YBX1: variants seen among roughly 807,000 people sequenced by gnomAD.
YBX1 encodes the protein Y-box binding protein 1.
In YBX1, 3 loss-of-function variants were observed where a neutral mutation model predicts 41.4. The ratio of observed to expected loss-of-function variants is 0.07; its 90% confidence interval spans 0.03 to 0.19. The LOEUF (loss-of-function observed/expected upper bound fraction) is 0.19. YBX1 is among the 10% of genes least tolerant of loss of function. The pLI is 1.00. For synonymous variants in YBX1, 133 were observed against 165.8 expected, an observed-to-expected ratio of 0.80 and a Z score of 1.52; for missense variants, 274 against 462.8, an observed-to-expected ratio of 0.59 and a Z score of 3.74.
chr1:42,691,285 T>C (rs1650321607), intron 2 of YBX1, among the ~76,000 whole-genome samples: 1 of 152,194 alleles, frequency 6.6e-6, no homozygotes, highest in South Asian at 2.1e-4. Context: ...GTTTCACATA[T>C]CTATCTATGT....
At position 42,696,602 on chromosome 1, in the gene YBX1, G is replaced by T; in HGVS notation, c.355-40G>T. On this transcript the variant is annotated intron_variant, in intron 4 of 7. Coordinates refer to ENST00000321358, the MANE Select transcript of YBX1 (RefSeq NM_004559.5). The surrounding 1 kb of genome is among the most constrained non-coding windows in gnomAD (Gnocchi z 5.7). ...CTTTTGAAAGTGTTGAAAGTGTTCT[G>T]ATTTCCTTTGTCACTATCAATATGT... is the stretch of plus-strand genomic sequence containing the variant. 7.2e-7 allele frequency: 1 copy of T among 1,379,546 alleles called. No homozygotes were observed. Among genetic ancestry groups the T allele is most frequent in the South Asian group, 1.8e-5 (1 of 55,920 alleles). The allele number at this position is 1,379,546 out of a possible 1,614,324, so 85.5% of individuals were successfully genotyped here.
At position 42,703,574 on chromosome 1, in the gene YBX1, A is replaced by G. The variant is rs1381018049; in HGVS notation, c.*1625A>G. ...TTCATGAAAATACTGTGTTGGCAAGAGTGCAGTGGACCTGAAACTTCAACT... is the reference window on the plus strand; with the variant it reads ...TTCATGAAAATACTGTGTTGGCAAGGGTGCAGTGGACCTGAAACTTCAACT... On this transcript the variant is annotated 3_prime_UTR_variant, in exon 8 of 8. Transcript: ENST00000321358. 1.3e-5 allele frequency among the ~76,000 whole-genome samples: 2 copies of G among 152,196 alleles called. No homozygotes were observed. Among genetic ancestry groups the G allele is most frequent in the Non-Finnish European group, 2.9e-5 (2 of 68,040 alleles).
chr1:42,700,747 T>G (rs1432358941), intron 6 of YBX1, 34 bp from the exon 7 acceptor site: 2 of 1,572,972 alleles, frequency 1.3e-6, no homozygotes, highest in South Asian at 2.3e-5. Flanking sequence ...AGAGAAGGTT[T>G]TATCATTCTT....
chr1:42,695,263 C>T (rs919208045), intron 3 of YBX1, among the ~76,000 whole-genome samples: 3 of 152,178 alleles, frequency 2.0e-5, no homozygotes, highest in Non-Finnish European at 4.4e-5. Flanking sequence ...CGTTGATTGT[C>T]CTGTCTCCTC....
In YBX1 at chr1:42,682,608, C is replaced by T. The variant is rs1029569178; in HGVS notation, c.43C>T (p.Pro15Ser). 4.9e-6 allele frequency: 7 copies of T among 1,442,662 alleles called. No individual in the cohort carries two copies. The highest frequency in any genetic ancestry group is 2.5e-5 in the Admixed American group (1 of 39,876). 89.4% of individuals were successfully genotyped at this position (1,442,662 alleles called of 1,614,324 possible). Reference sequence around the variant, plus strand: ...GACCCAGCAGCCGCCCGCCGCCCCCCCCGCCGCCCCCGCCCTCAGCGCCGC... The same window carrying T: ...GACCCAGCAGCCGCCCGCCGCCCCCTCCGCCGCCCCCGCCCTCAGCGCCGC... The part of the protein sequence containing the change: ...AETQQPPAAP[P>S]AAPALSAADT... Residue 15 changes from proline (P) to serine (S), a missense_variant, in exon 1 of 8, where the codon CCC (proline) becomes TCC (serine). Around this residue, in one of 3 missense-constraint regions of YBX1, gnomAD observed 84 missense variants for 130.8 expected, o/e 0.64. Transcript: ENST00000321358.
intron 1 of YBX1, 101 bp from the exon 2 acceptor site, chr1:42,683,302 C>T: frequency 7.1e-7 from 1 of 1,416,590 alleles, no homozygotes; most frequent in South Asian, 1.2e-5. Flanking sequence ...TGTCAGGTGG[C>T]CGCGGCGGCC....
chr1:42,686,534 G>A (rs1570415603), intron 2 of YBX1, among the ~76,000 whole-genome samples: 1 of 152,100 alleles, frequency 6.6e-6, no homozygotes, highest in Non-Finnish European at 1.5e-5. Flanking sequence ...ATGCATTTGA[G>A]TTTATTACCC....
At chr1:42,686,508 C>T (rs952511172) in intron 2 of YBX1, among the ~76,000 whole-genome samples, 6 of 152,188 alleles carry the variant, frequency 3.9e-5, no homozygotes, top group Non-Finnish European at 7.3e-5. Flanking sequence ...ACAGCCTTCA[C>T]GCCTGGCCTC....
rs749693568 is a variant in YBX1, at chr1:42,696,511, G to GGCC, written c.355-131_355-130insGCC. On this transcript the variant is annotated intron_variant, in intron 4 of 7. Transcript: ENST00000321358. This position sits in a 1 kb window ranked among gnomAD's most constrained non-coding sequence, Gnocchi z 5.7. ...TGTGCACCCCTGGTCACGCAGTTGCGCCCCCCCCCCCTTTTTTTTCCTTAA... is the reference window on the plus strand; with the variant it reads ...TGTGCACCCCTGGTCACGCAGTTGCGGCCCCCCCCCCCCCTTTTTTTTCCTTAA... 8.5e-6 allele frequency: 4 copies of GGCC among 468,952 alleles called. No homozygotes were observed. Among genetic ancestry groups the GGCC allele is most frequent in the Non-Finnish European group, 6.8e-6 (2 of 295,930 alleles). The allele number at this position is 468,952 out of a possible 1,614,324, so 29.0% of individuals were successfully genotyped here. A position where few individuals can be genotyped will look rare whatever the true frequency, so the allele number is the denominator to read the frequency against.
At chr1:42,690,431 G>A (rs1650301429) in intron 2 of YBX1, among the ~76,000 whole-genome samples, 2 of 152,004 alleles carry the variant, frequency 1.3e-5, no homozygotes, top group African/African-American at 4.8e-5. Context: ...CAATGAATAA[G>A]ATTCACCAGA....
chr1:42,695,789 A>G (rs1570421964), intron 3 of YBX1, among the ~76,000 whole-genome samples: 3 of 152,270 alleles, frequency 2.0e-5, no homozygotes, highest in Admixed American at 6.5e-5. Flanking sequence ...GCTTTGAAGC[A>G]TGCAAAACCA....
intron 2 of YBX1, among the ~76,000 whole-genome samples, chr1:42,693,042 G>T (rs894034883): frequency 6.6e-6 from 1 of 152,100 alleles, no homozygotes; most frequent in East Asian, 1.9e-4. Context: ...TTCTGTTGGT[G>T]GGGAGGGGGG....
chr1:42,688,857 T>C (rs1211281979), intron 2 of YBX1, among the ~76,000 whole-genome samples: 1 of 152,252 alleles, frequency 6.6e-6, no homozygotes. Flanking sequence ...GTATTTTCTC[T>C]TACAACTTTC....
At chr1:42,687,283 T>C (rs1435751528) in intron 2 of YBX1, among the ~76,000 whole-genome samples, 1 of 152,158 alleles carries the variant, frequency 6.6e-6, no homozygotes, top group African/African-American at 2.4e-5. Flanking sequence ...TATTGCCTTT[T>C]TAAAGGGTGA....
At position 42,700,915 on chromosome 1, in the gene YBX1, C is replaced by G; in HGVS notation, c.875C>G (p.Pro292Arg). The G allele has an allele frequency of 6.2e-7, 1 of 1,614,120 alleles. No individual in the cohort carries two copies. Among genetic ancestry groups the G allele is most frequent in the Non-Finnish European group, 8.5e-7 (1 of 1,180,026 alleles). ...RRNFNYRRRR[P>R]ENPKPQDGKE... ...AACTTCAATTACCGACGCAGACGCC[C>G]AGAAAACCCTAAACCACAAGATGGC... Residue 292 changes from proline to arginine, a missense_variant, in exon 7 of 8, where the codon CCA (proline) becomes CGA (arginine). Physicochemically the swap from Pro to Arg is moderately radical, Grantham distance 103. Coordinates refer to ENST00000321358, the MANE Select transcript of YBX1 (RefSeq NM_004559.5).
At position 42,682,602 on chromosome 1, in the gene YBX1, G is replaced by GCC; in HGVS notation, c.44_45dup (p.Ala16ProfsTer49). ...GGCCGAGACCCAGCAGCCGCCCGCC[G>GCC]CCCCCCCCGCCGCCCCCGCCCTCAG... is the stretch of plus-strand genomic sequence containing the variant. On this transcript the variant is annotated frameshift_variant, in exon 1 of 8. Transcript: ENST00000321358. LOFTEE classifies it high-confidence loss of function. 3 of 1,422,608 alleles carry GCC rather than the reference G, an allele frequency of 2.1e-6. No homozygotes were observed. Among genetic ancestry groups the GCC allele is most frequent in the Non-Finnish European group, 1.8e-6 (2 of 1,089,550 alleles). The allele number at this position is 1,422,608 out of a possible 1,614,324, so 88.1% of individuals were successfully genotyped here.
chr1:42,688,190 C>G (rs148395632), intron 2 of YBX1, among the ~76,000 whole-genome samples: 1 of 152,094 alleles, frequency 6.6e-6, no homozygotes, highest in African/African-American at 2.4e-5. Context: ...CAGTTTGACT[C>G]GTGAACAATG....
At chr1:42,687,403 C>G (rs1650221736) in intron 2 of YBX1, among the ~76,000 whole-genome samples, 1 of 152,114 alleles carries the variant, frequency 6.6e-6, no homozygotes, top group South Asian at 2.1e-4. Flanking sequence ...CCTGCCTCAG[C>G]CTCCCGAGTA....
chr1:42,700,874 A>G lies in YBX1; in HGVS notation c.834A>G (p.Gln278=), dbSNP rs757405811. 31 of 1,613,794 alleles carry G rather than the reference A, an allele frequency of 1.9e-5. No homozygotes were observed. The African/African-American group carries it at 3.7e-4, about 19-fold the overall frequency. The stretch of plus-strand genomic sequence containing the variant: ...AGACCCAAGGTCAGCAGCCACCTCA[A>G]CGTCGGTACCGCCGCAACTTCAATT... ...GDETQGQQPP[Q]RRYRRNFNYR... The change falls in exon 7 of 8, where the codon CAA becomes CAG. Residue 278 remains glutamine (Q), a synonymous_variant. Coordinates refer to ENST00000321358, the MANE Select transcript of YBX1 (RefSeq NM_004559.5).
Sources: allele counts gnomAD v4.1 joint callset (sites outside exome capture counted in the v4.1 genomes callset), GRCh38; gene constraint gnomAD v4.1.1; regional missense constraint gnomAD v4.1.1; non-coding constraint Gnocchi (gnomAD v3.1); transcripts MANE v1.5; gene names NCBI Gene and HGNC (gene_info 2026-07-23, HGNC 2026-07-21).